DNAI4: variants seen among roughly 807,000 people sequenced by gnomAD.
DNAI4 encodes dynein axonemal intermediate chain 4, also known as WD repeat domain 78.
DNAI4 carries 85 observed loss-of-function variants against 105.8 expected under a neutral mutation model. The observed-to-expected ratio is 0.80, with a 90% CI of 0.67 to 0.96. The LOEUF (loss-of-function observed/expected upper bound fraction) is 0.96, where lower values mean the gene tolerates loss of function less well. Among genes scored for constraint, DNAI4 ranks in the 40% least tolerant of loss-of-function variants. The pLI is 0.00. For missense variants in DNAI4, 1,014 were observed against 1,005.6 expected (o/e 1.01, Z -0.11); for synonymous variants, 352 against 331.5 (o/e 1.06, Z -0.67).
intron 2 of DNAI4, among the ~76,000 whole-genome samples, chr1:66,894,329 G>A (rs147640046): frequency 1.2e-4 from 18 of 152,122 alleles, no homozygotes; most frequent in Non-Finnish European, 2.2e-4. Flanking sequence ...TTTGATTTCC[G>A]TTTGGAGGGG....
chr1:66,893,055 G>GGA (rs1557965175), intron 3 of DNAI4, among the ~76,000 whole-genome samples, 174 bp downstream of exon 3: 8 of 80,774 alleles, frequency 9.9e-5, no homozygotes, highest in African/African-American at 4.3e-4. Flanking sequence ...AAGAAAGAAA[G>GGA]AGAGAGAGAG....
chr1:66,826,785 C>G, intron 15 of DNAI4, 35 bp downstream of exon 15: 2 of 1,558,830 alleles, frequency 1.3e-6, no homozygotes, highest in Non-Finnish European at 1.7e-6. Flanking sequence ...TGAACTGCTT[C>G]TACTAAAATT....
chr1:66,844,169 A>C (rs1312812780), intron 8 of DNAI4, among the ~76,000 whole-genome samples: 2 of 151,528 alleles, frequency 1.3e-5, no homozygotes, highest in African/African-American at 4.8e-5. Context: ...AACATGATAG[A>C]TATGTTAACG....
Position 66,871,409 on chromosome 1 carries a change from T to A in DNAI4, c.901A>T (p.Lys301Ter), listed in dbSNP as rs1428000762. The change falls in exon 6 of 17, where the codon AAA becomes TAA. Residue 301 changes from lysine to a stop codon, truncating the protein, a stop_gained. Coordinates refer to ENST00000371026, the MANE Select transcript of DNAI4 (RefSeq NM_024763.5). LOFTEE classifies it high-confidence loss of function. ...ATGATTTTATCACATTGAACATCTT[T>A]ATTCTTTGGTGCTCCATTGAAAGTC... is the stretch of plus-strand genomic sequence containing the variant. Reference protein sequence around the residue: ...MQTFNGAPKNKDVQCDKIIME... With the variant: ...MQTFNGAPKN 2.5e-6 allele frequency: 4 copies of A among 1,611,710 alleles called. No homozygotes were observed. The East Asian group carries it at 8.9e-5, about 36-fold the overall frequency.
At chr1:66,862,704 A>G (rs888683189) in intron 6 of DNAI4, among the ~76,000 whole-genome samples, 1 of 152,240 alleles carries the variant, frequency 6.6e-6, no homozygotes, top group Admixed American at 6.5e-5. Flanking sequence ...TCACACTATT[A>G]GTATCTACAA....
intron 3 of DNAI4, among the ~76,000 whole-genome samples, chr1:66,891,741 G>A (rs1383684958): frequency 1.3e-5 from 2 of 152,320 alleles, no homozygotes; most frequent in East Asian, 3.9e-4. Flanking sequence ...TGTGATTACA[G>A]GCGTGAACCA....
intron 7 of DNAI4, among the ~76,000 whole-genome samples, chr1:66,861,069 G>C (rs931333341): frequency 4.6e-5 from 7 of 152,158 alleles, no homozygotes; most frequent in African/African-American, 1.7e-4. Context: ...TAGAAAATGA[G>C]ATTTTAAAAA....
chr1:66,833,025 G>C (rs1401419541), intron 13 of DNAI4, among the ~76,000 whole-genome samples: 1 of 152,136 alleles, frequency 6.6e-6, no homozygotes. Flanking sequence ...GCCAAGGGGG[G>C]CAGGGAGAGG....
intron 2 of DNAI4, among the ~76,000 whole-genome samples, chr1:66,899,232 G>C (rs998690106): frequency 6.6e-6 from 1 of 152,092 alleles, no homozygotes; most frequent in Non-Finnish European, 1.5e-5. Context: ...AGTGTATGAG[G>C]GTTCTGCTTT....
chr1:66,913,896 G>A lies in DNAI4; in HGVS notation c.171-8521C>T, dbSNP rs534097340. 2.6e-5 allele frequency among the ~76,000 whole-genome samples: 4 copies of A among 151,880 alleles called. No homozygotes were observed. The East Asian group carries it at 5.8e-4, about 22-fold the overall frequency. Reference sequence around the variant, plus strand: ...ACTCGGGAGGCTGAGGCAGGAGAACGGTGTGAACCCGGAGCAGGCGGAGGT... The same window carrying A: ...ACTCGGGAGGCTGAGGCAGGAGAACAGTGTGAACCCGGAGCAGGCGGAGGT... On this transcript the variant is annotated intron_variant, in intron 1 of 16. Transcript: ENST00000371026.
intron 14 of DNAI4, among the ~76,000 whole-genome samples, 185 bp from the exon 15 acceptor site, chr1:66,827,231 A>G (rs937585966): frequency 6.6e-6 from 1 of 152,188 alleles, no homozygotes; most frequent in African/African-American, 2.4e-5. Context: ...TTAGAAACAT[A>G]AAAATATAGT....
In DNAI4 at chr1:66,822,451, T is replaced by A; in HGVS notation, c.2406A>T (p.Lys802Asn). 6.2e-7 allele frequency: 1 copy of A among 1,613,558 alleles called. No individual in the cohort carries two copies. The highest frequency in any genetic ancestry group is 8.5e-7 in the Non-Finnish European group (1 of 1,179,754). ...CTCCTACCAGAAGGCAATCTGTTTG[T>A]TTGGCAAAGAGAATGGTTGTGAACT... ...GIKFTTILFA[K>N]QTDCLLVGDS... The change falls in exon 16 of 17, where the codon AAA becomes AAT. Residue 802 changes from lysine (K) to asparagine (N), a missense_variant. Lys to Asn is a moderately conservative substitution (Grantham distance 94). Transcript: ENST00000371026.
At chr1:66,841,311 C>A (rs1449928551) in intron 8 of DNAI4, among the ~76,000 whole-genome samples, 1 of 152,158 alleles carries the variant, frequency 6.6e-6, no homozygotes, top group African/African-American at 2.4e-5. Context: ...CTGGCCTGAC[C>A]AGCTAAAAGT....
At chr1:66,850,624 TTGTC>T (rs1437784761) in intron 7 of DNAI4, among the ~76,000 whole-genome samples, 2 of 151,962 alleles carry the variant, frequency 1.3e-5, no homozygotes, top group African/African-American at 2.4e-5. Context: ...AATTATTACA[TTGTC>T]TGATATAGTT....
At chr1:66,897,241 A>T (rs1557970503) in intron 2 of DNAI4, among the ~76,000 whole-genome samples, 1 of 152,242 alleles carries the variant, frequency 6.6e-6, no homozygotes, top group Admixed American at 6.5e-5. Context: ...GTGACAAACT[A>T]GGATACCTGG....
intron 1 of DNAI4, among the ~76,000 whole-genome samples, chr1:66,915,716 T>C (rs561021624): frequency 1.3e-5 from 2 of 152,302 alleles, no homozygotes; most frequent in African/African-American, 2.4e-5. Context: ...TTAAAGGTTA[T>C]ATATAAAACA....
At chr1:66,865,824 A>C (rs1429681593) in intron 6 of DNAI4, among the ~76,000 whole-genome samples, 2 of 152,206 alleles carry the variant, frequency 1.3e-5, no homozygotes, top group African/African-American at 4.8e-5. Flanking sequence ...CCTGGGAATG[A>C]GTAAATAATG....
chr1:66,881,946 C>A (rs2991359), intron 4 of DNAI4, among the ~76,000 whole-genome samples: 22,215 of 152,118 alleles, frequency 0.15, 1,849 homozygotes, highest in African/African-American at 0.23. Flanking sequence ...ATAGTGAATG[C>A]GTCTCAAGAG....
chr1:66,893,124 A>AGAAAGAAG (rs1557965856), intron 3 of DNAI4, 105 bp downstream of exon 3: 7 of 541,750 alleles, frequency 1.3e-5, no homozygotes, highest in East Asian at 1.3e-4. Context: ...AAAGAAAGAA[A>AGAAAGAAG]CTGGGAGACT....
Sources: allele counts gnomAD v4.1 joint callset (sites outside exome capture counted in the v4.1 genomes callset), GRCh38; gene constraint gnomAD v4.1.1; transcripts MANE v1.5; gene names NCBI Gene and HGNC (gene_info 2026-07-23, HGNC 2026-07-21).